The following SLC38A9 variants were observed in gnomAD, a reference collection of about 807,000 sequenced individuals.
The protein encoded by SLC38A9 is neutral amino acid transporter 9.
Under a neutral mutation model 62.3 loss-of-function variants are expected in SLC38A9, and 48 were observed. The ratio of observed to expected loss-of-function variants is 0.77; its 90% CI spans 0.61 to 0.98. The LOEUF (loss-of-function observed/expected upper bound fraction) is 0.98. Ranked by LOEUF, SLC38A9 falls within the 50% of genes least tolerant of loss-of-function variation. The pLI, the probability that SLC38A9 is intolerant of heterozygous loss-of-function variation, is 0.00. For missense variants in SLC38A9, 541 were observed against 679.8 expected (o/e 0.80, Z 2.27); for synonymous variants, 204 against 227.7 (o/e 0.90, Z 0.94).
At chr5:55,644,338 GTTTTCTATTTGTCACTA>G (rs1745933950) in intron 12 of SLC38A9, among the ~76,000 whole-genome samples, 1 of 26,506 alleles carries the variant, frequency 3.8e-5, no homozygotes, top group Non-Finnish European at 1.3e-4. Flanking sequence ...GTTGCTATTT[GTTTTCTATTTGTCACTA>G]TTTGTTTTCT....
At chr5:55,628,066 C>T in intron 14 of SLC38A9, 86 bp from the exon 15 acceptor site, 1 of 785,176 alleles carries the variant, frequency 1.3e-6, no homozygotes, top group Admixed American at 2.2e-5. Flanking sequence ...ACAGTTCATT[C>T]TTAACATCGT....
intron 3 of SLC38A9, among the ~76,000 whole-genome samples, chr5:55,681,308 A>ATAT (rs779011964): frequency 6.6e-6 from 1 of 152,232 alleles, no homozygotes; most frequent in Non-Finnish European, 1.5e-5. Flanking sequence ...TAAATTATGT[A>ATAT]TATTTAAATT....
intron 11 of SLC38A9, among the ~76,000 whole-genome samples, chr5:55,646,165 A>C (rs1746304202): frequency 6.6e-6 from 1 of 152,246 alleles, no homozygotes; most frequent in South Asian, 2.1e-4. Flanking sequence ...CACCTGAGGT[A>C]AGGAGTTTGA....
At chr5:55,669,348 G>A (rs1331840047) in intron 6 of SLC38A9, 27 bp from the exon 7 acceptor site, 1 of 1,550,912 alleles carries the variant, frequency 6.4e-7, no homozygotes. Flanking sequence ...GTATAAAACA[G>A]CATATATCAT....
At chr5:55,632,357 G>A (rs1307751214) in intron 14 of SLC38A9, among the ~76,000 whole-genome samples, 1 of 152,196 alleles carries the variant, frequency 6.6e-6, no homozygotes, top group African/African-American at 2.4e-5. Context: ...AGAATGGCGT[G>A]AACCCGGGAG....
chr5:55,652,118 G>A (rs564870220), intron 10 of SLC38A9, among the ~76,000 whole-genome samples: 1 of 151,814 alleles, frequency 6.6e-6, no homozygotes, highest in African/African-American at 2.4e-5. Flanking sequence ...CAGCACTTTG[G>A]GAGGCTGAGG....
chr5:55,637,984 A>T (rs910814180), intron 12 of SLC38A9, among the ~76,000 whole-genome samples: 2 of 88,846 alleles, frequency 2.3e-5, no homozygotes, highest in South Asian at 2.9e-4. Flanking sequence ...CAATAATAAT[A>T]AAAAAAAAGA....
chr5:55,680,548 G>A (rs1254594746), intron 3 of SLC38A9, among the ~76,000 whole-genome samples: 1 of 152,204 alleles, frequency 6.6e-6, no homozygotes, highest in African/African-American at 2.4e-5. Flanking sequence ...AACAAGGCCC[G>A]TGTCAGATCA....
In SLC38A9 at chr5:55,656,788, A is replaced by T; in HGVS notation, c.698-14T>A. On this transcript the variant is annotated splice_polypyrimidine_tract_variant and intron_variant, in intron 8 of 15. Coordinates refer to ENST00000396865, the MANE Select transcript of SLC38A9 (RefSeq NM_173514.4). ...GATGAATAAAATCTAAAAATAAAGG[A>T]AAAAATATAGTTTAACACTGAATGA... The T allele has an allele frequency of 7.1e-7, 1 of 1,403,136 alleles. No individual in the cohort carries two copies. The highest frequency in any genetic ancestry group is 1.0e-6 in the Non-Finnish European group (1 of 997,340). 86.9% of individuals were successfully genotyped at this position (1,403,136 alleles called of 1,614,324 possible).
At chr5:55,672,264 A>G (rs559342805) in intron 4 of SLC38A9, among the ~76,000 whole-genome samples, 1 of 152,352 alleles carries the variant, frequency 6.6e-6, no homozygotes, top group East Asian at 1.9e-4. Context: ...TCAATGGCCT[A>G]ACTTGCCATT....
At chr5:55,642,090 G>C (rs1745525557) in intron 12 of SLC38A9, among the ~76,000 whole-genome samples, 1 of 152,172 alleles carries the variant, frequency 6.6e-6, no homozygotes, top group Non-Finnish European at 1.5e-5. Flanking sequence ...TTGTCACCCA[G>C]GCTGGAGTGC....
intron 3 of SLC38A9, chr5:55,692,972 T>C (rs1216320464): frequency 1.0e-6 from 1 of 983,212 alleles, no homozygotes; most frequent in African/African-American, 1.7e-5. Context: ...CCTCTAGTTT[T>C]AAGAAAGACT....
At chr5:55,635,202 TA>T in intron 13 of SLC38A9, 1 of 263,312 alleles carries the variant, frequency 3.8e-6, no homozygotes, top group East Asian at 9.3e-5. Context: ...GTTTTATAAC[TA>T]CATGAGAACT....
chr5:55,675,313 T>C (rs1447995389), intron 3 of SLC38A9: 3 of 152,238 alleles, frequency 2.0e-5, no homozygotes, highest in Non-Finnish European at 2.9e-5. Flanking sequence ...CCAACAGTTT[T>C]CATCGAGATG....
intron 11 of SLC38A9, 58 bp downstream of exon 11, chr5:55,649,149 C>T: frequency 1.1e-6 from 1 of 919,060 alleles, no homozygotes; most frequent in Non-Finnish European, 1.6e-6. Flanking sequence ...TTTAGAATAG[C>T]ATATGACAAT....
intron 15 of SLC38A9, 132 bp downstream of exon 15, chr5:55,627,759 C>T (rs1742705347): frequency 3.6e-6 from 2 of 559,706 alleles, no homozygotes; most frequent in Non-Finnish European, 3.2e-6. Context: ...CAAGGGGCTG[C>T]ATTTGAATAT....
At chr5:55,642,872 T>C (rs2042309) in intron 12 of SLC38A9, among the ~76,000 whole-genome samples, 84,658 of 152,060 alleles carry the variant, frequency 0.56, 24,635 homozygotes, top group South Asian at 0.66. Flanking sequence ...TTTATATTTT[T>C]GCTCTAGAGA....
chr5:55,639,272 T>TTAAAAAAAA (rs1391586466), intron 12 of SLC38A9, among the ~76,000 whole-genome samples: 6 of 54,650 alleles, frequency 1.1e-4, no homozygotes, highest in African/African-American at 4.1e-4. Flanking sequence ...AAACTCTGTC[T>TTAAAAAAAA]AAAAAAAAAA....
intron 10 of SLC38A9, among the ~76,000 whole-genome samples, chr5:55,650,786 G>GTTAT (rs912929342): frequency 1.3e-5 from 2 of 151,906 alleles, no homozygotes; most frequent in Non-Finnish European, 2.9e-5. Context: ...GATATGCTGG[G>GTTAT]TTATTTATTT....
Sources: gnomAD v4.1 joint callset for allele counts (sites outside exome capture counted in the v4.1 genomes callset) on GRCh38, gnomAD v4.1.1 for gene constraint, MANE v1.5 for transcripts, NCBI Gene and HGNC (gene_info 2026-07-23, HGNC 2026-07-21) for gene names.